Variants in XXYLT1 observed in about 807,000 individuals in gnomAD.
XXYLT1 encodes the protein UDP-xylose:alpha-xyloside alpha-1,3-xylosyltransferase.
In XXYLT1, 20 loss-of-function variants were observed where a neutral mutation model predicts 28.9. The observed-to-expected ratio is 0.69, with a 90% confidence interval of 0.49 to 1.00. The LOEUF (loss-of-function observed/expected upper bound fraction) is 1.00, where lower values mean the gene tolerates loss of function less well. Ranked by LOEUF, XXYLT1 falls within the 50% of genes least tolerant of loss-of-function variation. The pLI, the probability that XXYLT1 is intolerant of heterozygous loss-of-function variation, is 0.00. For synonymous variants in XXYLT1, 257 were observed against 253.8 expected (o/e 1.01, Z -0.12); for missense variants, 542 against 560.1 (o/e 0.97, Z 0.33).
rs2410845 is a variant in XXYLT1 at position 195,133,293 on chromosome 3, A to T, written c.785+23156T>A. Among the ~76,000 whole-genome samples, 7 of 152,136 alleles carry T rather than the reference A, an allele frequency of 4.6e-5. No homozygotes were observed. The highest frequency in any genetic ancestry group is 1.0e-4 in the Non-Finnish European group (7 of 68,038). On this transcript the variant is annotated intron_variant, in intron 3 of 3. Transcript: ENST00000310380. The surrounding 1 kb of genome is among the most constrained non-coding windows in gnomAD (Gnocchi z 4.4). ...AATTTTTCCTGAATGGCCCTGGAGT[A>T]CCAGCAGCTGACATCGGCAGGTGGA... is the stretch of plus-strand genomic sequence containing the variant.
At chr3:195,143,809 T>TAGATATATATAGATATAG in intron 3 of XXYLT1, among the ~76,000 whole-genome samples, 1 of 101,116 alleles carries the variant, frequency 9.9e-6, no homozygotes, top group Non-Finnish European at 2.0e-5. Flanking sequence ...TAGATAGATA[T>TAGATATATATAGATATAG]ATATAGATAT....
At chr3:195,156,614 G>A in intron 2 of XXYLT1, 33 bp from the exon 3 acceptor site, 1 of 1,611,386 alleles carries the variant, frequency 6.2e-7, no homozygotes, top group East Asian at 2.2e-5. Context: ...ATGAGACACA[G>A]GTACACCTCC....
At chr3:195,110,253 A>T (rs1429902996) in intron 3 of XXYLT1, among the ~76,000 whole-genome samples, 3 of 1,626 alleles carry the variant, frequency 1.8e-3, no homozygotes, top group Non-Finnish European at 3.6e-3. Context: ...TGTGTGGGTG[A>T]AGTGTGTGTG....
chr3:195,211,410 G>A lies in XXYLT1; in HGVS notation c.652+15299C>T, dbSNP rs945162381. The stretch of plus-strand genomic sequence containing the variant: ...TCCATCTCAAAAGAAGAAAAAGGGC[G>A]AAGGCAGTGAGCCAGCTCTGGCAGA... On this transcript the variant is annotated intron_variant, in intron 2 of 3. Coordinates refer to ENST00000310380, the MANE Select transcript of XXYLT1 (RefSeq NM_152531.5). Among the ~76,000 whole-genome samples the A allele has an allele frequency of 4.6e-5, 7 of 152,064 alleles. No homozygotes were observed. The East Asian group carries it at 5.8e-4, about 13-fold the overall frequency.
intron 2 of XXYLT1, among the ~76,000 whole-genome samples, chr3:195,193,044 A>T (rs59614349): frequency 6.6e-6 from 1 of 152,058 alleles, no homozygotes; most frequent in African/African-American, 2.4e-5. Context: ...CTAGCACTTT[A>T]GGAGGCCAAG....
At chr3:195,145,418 G>A (rs531232858) in intron 3 of XXYLT1, among the ~76,000 whole-genome samples, 2 of 145,896 alleles carry the variant, frequency 1.4e-5, no homozygotes, top group South Asian at 4.4e-4. Flanking sequence ...ACATGAACGG[G>A]CACCTCACTC....
intron 2 of XXYLT1, among the ~76,000 whole-genome samples, chr3:195,211,542 C>T (rs983562032): frequency 3.9e-5 from 6 of 152,204 alleles, no homozygotes; most frequent in South Asian, 2.1e-4. Flanking sequence ...GTGTCTGTAT[C>T]GCTCTGGGAA....
At chr3:195,142,749 G>A (rs759019268) in intron 3 of XXYLT1, among the ~76,000 whole-genome samples, 12 of 152,226 alleles carry the variant, frequency 7.9e-5, no homozygotes, top group Non-Finnish European at 1.3e-4. Flanking sequence ...GTCTTCATGC[G>A]GCCAGCCCGC....
At chr3:195,189,202 A>G (rs932528783) in intron 2 of XXYLT1, among the ~76,000 whole-genome samples, 1 of 152,218 alleles carries the variant, frequency 6.6e-6, no homozygotes, top group Non-Finnish European at 1.5e-5. Context: ...CTAGGAATCC[A>G]GGGTTTAATT....
rs189245504 is a variant in XXYLT1 at position 195,255,326 on chromosome 3, A to G, written c.504+15229T>C. Among the ~76,000 whole-genome samples, 346 of 152,024 alleles carry G rather than the reference A, an allele frequency of 2.3e-3. 2 individuals carry two copies. The highest frequency in any genetic ancestry group is 6.7e-3 in the African/African-American group (278 of 41,480). On this transcript the variant is annotated intron_variant, in intron 1 of 3. Coordinates refer to ENST00000310380, the MANE Select transcript of XXYLT1 (RefSeq NM_152531.5). The surrounding 1 kb of genome is among the most constrained non-coding windows in gnomAD (Gnocchi z 4.5). The stretch of plus-strand genomic sequence containing the variant: ...GTGGGAGACAGCAGCGGGGTTCCCT[A>G]CCCCACACGGCTCGCACCCACGAGC...
At chr3:195,222,582 C>A (rs1723876046) in intron 2 of XXYLT1, among the ~76,000 whole-genome samples, 1 of 152,132 alleles carries the variant, frequency 6.6e-6, no homozygotes. Context: ...AATCTGTATG[C>A]ATGTGGATAT....
At position 195,076,100 on chromosome 3, in the gene XXYLT1, T is replaced by C. The variant is rs1715099877; in HGVS notation, c.786-5989A>G. Among the ~76,000 whole-genome samples, 2 of 152,190 alleles carry C rather than the reference T, an allele frequency of 1.3e-5. No individual in the cohort carries two copies. Among genetic ancestry groups the C allele is most frequent in the Admixed American group, 6.5e-5 (1 of 15,290 alleles). On this transcript the variant is annotated intron_variant, in intron 3 of 3. Transcript: ENST00000310380. This position sits in a 1 kb window ranked among gnomAD's most constrained non-coding sequence, Gnocchi z 5.3. ...CCTCCTGGAGCCTCTCCCCGCACGC[T>C]GGAGGCTGCCAGGGCCCTGCTTTGC...
rs1720109646 is a variant in XXYLT1 at position 195,150,113 on chromosome 3, T to C, written c.785+6336A>G. Among the ~76,000 whole-genome samples the C allele has an allele frequency of 6.6e-6, 1 of 152,196 alleles. No individual in the cohort carries two copies. The highest frequency in any genetic ancestry group is 1.5e-5 in the Non-Finnish European group (1 of 68,030). ...GACTTCCCTAGGTTCACAGAACTTATCAGTGGCCAAGCTGGGACTGTGGAT... is the reference window on the plus strand; with the variant it reads ...GACTTCCCTAGGTTCACAGAACTTACCAGTGGCCAAGCTGGGACTGTGGAT... On this transcript the variant is annotated intron_variant, in intron 3 of 3. Coordinates refer to ENST00000310380, the MANE Select transcript of XXYLT1 (RefSeq NM_152531.5). This position sits in a 1 kb window ranked among gnomAD's most constrained non-coding sequence, Gnocchi z 4.7.
chr3:195,096,104 C>A (rs1348615798), intron 3 of XXYLT1: 3 of 152,318 alleles, frequency 2.0e-5, no homozygotes, highest in Non-Finnish European at 4.4e-5. Context: ...GGACACCCAC[C>A]CAGCCTTCTC....
chr3:195,208,763 C>G (rs1170405565), intron 2 of XXYLT1, among the ~76,000 whole-genome samples: 6 of 152,114 alleles, frequency 3.9e-5, no homozygotes, highest in Admixed American at 3.9e-4. Flanking sequence ...CTGCATGAGT[C>G]CCACTTTCTC....
chr3:195,237,656 C>A (rs192464637), intron 1 of XXYLT1, among the ~76,000 whole-genome samples: 3 of 151,992 alleles, frequency 2.0e-5, no homozygotes, highest in Admixed American at 2.0e-4. Context: ...ACCATAAAAA[C>A]CTTTTATGCC....
Position 195,086,528 on chromosome 3 carries a change from TG to T in XXYLT1, c.786-16418del, listed in dbSNP as rs539921528. 2.3e-4 allele frequency among the ~76,000 whole-genome samples: 35 copies of T among 152,152 alleles called. 1 individual carries two copies. The East Asian group carries it at 6.8e-3, about 30-fold the overall frequency. ...ACACAGTGGTTAGGGGCAGGGGCTG[TG>T]GGGTCAGAGGCCTGACTATGAGCCA... On this transcript the variant is annotated intron_variant, in intron 3 of 3. Coordinates refer to ENST00000310380, the MANE Select transcript of XXYLT1 (RefSeq NM_152531.5).
intron 3 of XXYLT1, among the ~76,000 whole-genome samples, chr3:195,106,438 C>G (rs912360741): frequency 6.6e-6 from 1 of 152,154 alleles, no homozygotes; most frequent in Admixed American, 6.5e-5. Flanking sequence ...CACACACCCT[C>G]TCTCACTGGA....
At chr3:195,138,971 C>A (rs568241676) in intron 3 of XXYLT1, among the ~76,000 whole-genome samples, 5 of 152,026 alleles carry the variant, frequency 3.3e-5, no homozygotes, top group African/African-American at 1.2e-4. Flanking sequence ...TCAAGGGCCC[C>A]AAGTGTGGAA....
Sources: allele counts gnomAD v4.1 joint callset (sites outside exome capture counted in the v4.1 genomes callset), GRCh38; gene constraint gnomAD v4.1.1; non-coding constraint Gnocchi (gnomAD v3.1); transcripts MANE v1.5; gene names NCBI Gene and HGNC (gene_info 2026-07-23, HGNC 2026-07-21).